The following CACNA1C variants were observed in gnomAD, a reference collection of about 807,000 sequenced individuals.
CACNA1C encodes the protein voltage-dependent L-type calcium channel subunit alpha-1C.
In CACNA1C, 30 loss-of-function variants were observed where a neutral mutation model predicts 229.0. The observed-to-expected ratio is 0.13, with a 90% CI of 0.10 to 0.18. The LOEUF (loss-of-function observed/expected upper bound fraction) is 0.18, where lower values mean the gene tolerates loss of function less well. CACNA1C is among the 10% of genes least tolerant of loss of function. CACNA1C has a pLI of 1.00. For synonymous variants in CACNA1C, 1,114 were observed against 1,132.5 expected, an observed-to-expected ratio of 0.98 and a Z score of 0.33; for missense variants, 1,658 against 2,845.0, an observed-to-expected ratio of 0.58 and a Z score of 9.49.
chr12:2,200,394 G>A (rs2097547065), intron 3 of CACNA1C, among the ~76,000 whole-genome samples: 1 of 152,134 alleles, frequency 6.6e-6, no homozygotes. Context: ...CAATGTCTAG[G>A]AACATTTTTG....
chr12:2,187,987 C>T (rs115456037), intron 3 of CACNA1C, among the ~76,000 whole-genome samples: 2,706 of 152,300 alleles, frequency 0.018, 79 homozygotes, highest in African/African-American at 0.061. Context: ...TGCCTTTCCC[C>T]GAAGCCCTAG....
chr12:2,233,990 C>T (rs2066334419), intron 3 of CACNA1C, among the ~76,000 whole-genome samples: 1 of 152,218 alleles, frequency 6.6e-6, no homozygotes, highest in Non-Finnish European at 1.5e-5. Flanking sequence ...ACCCTTCCCA[C>T]TTGATTTAAT....
chr12:2,584,949 A>G (rs2061859576), intron 16 of CACNA1C, among the ~76,000 whole-genome samples: 1 of 152,224 alleles, frequency 6.6e-6, no homozygotes, highest in Non-Finnish European at 1.5e-5. Context: ...TCCAGCTTAC[A>G]GAGGGAGTCC....
chr12:2,650,684 G>T (rs1055301201), intron 31 of CACNA1C, among the ~76,000 whole-genome samples: 11 of 152,118 alleles, frequency 7.2e-5, no homozygotes, highest in African/African-American at 2.7e-4. Context: ...CCTGAGCCCT[G>T]GCCAGGCATG....
At chr12:2,393,625 G>A (rs1460645996) in intron 3 of CACNA1C, among the ~76,000 whole-genome samples, 1 of 152,226 alleles carries the variant, frequency 6.6e-6, no homozygotes, top group African/African-American at 2.4e-5. Flanking sequence ...GCAGGTTGTT[G>A]CAGAGATGAA....
intron 1 of CACNA1C, among the ~76,000 whole-genome samples, chr12:2,073,014 G>A (rs571849857): frequency 7.2e-4 from 110 of 152,160 alleles, no homozygotes; most frequent in Middle Eastern, 3.4e-3. Context: ...GTGCTAGAGC[G>A]GACAGTGGGG....
intron 1 of CACNA1C, among the ~76,000 whole-genome samples, chr12:2,082,650 C>G (rs2066083756): frequency 6.6e-6 from 1 of 152,120 alleles, no homozygotes; most frequent in Non-Finnish European, 1.5e-5. Context: ...CCACCTCATT[C>G]TAGACTGTGG....
rs754220732 is a variant in CACNA1C, at chr12:2,486,100, G to T, written c.758-4G>T. ...TGGTTCAGTGAGTGGCTCTGTCCCC[G>T]CAGGTCTCCAGGTGGTCCTGAATTC... On this transcript the variant is annotated splice_polypyrimidine_tract_variant and splice_region_variant and intron_variant, in intron 5 of 46. Transcript: ENST00000399655. This position sits in a 1 kb window ranked among gnomAD's most constrained non-coding sequence, Gnocchi z 4.9. The T allele has an allele frequency of 2.5e-6, 4 of 1,596,354 alleles. No homozygotes were observed. The highest frequency in any genetic ancestry group is 3.4e-6 in the Non-Finnish European group (4 of 1,170,058).
chr12:2,170,969 G>T (rs1442248170), intron 3 of CACNA1C, among the ~76,000 whole-genome samples: 1 of 152,206 alleles, frequency 6.6e-6, no homozygotes, highest in African/African-American at 2.4e-5. Flanking sequence ...CTGTCCCTGT[G>T]CTTGGGCACT....
rs561339894 is a variant in CACNA1C, at chr12:2,692,363, G to A, written c.*1164G>A. On this transcript the variant is annotated 3_prime_UTR_variant, in exon 47 of 47. Transcript: ENST00000399655. ...GAGGAGCATGCGCGAGAGAGTCTCC[G>A]AGTGTGTGCGACGCGTGTGTGTGTG... 4 of 152,438 alleles carry A rather than the reference G, an allele frequency of 2.6e-5. No homozygotes were observed. Among genetic ancestry groups the A allele is most frequent in the Non-Finnish European group, 5.9e-5 (4 of 68,108 alleles). 9.4% of individuals were successfully genotyped at this position (152,438 alleles called of 1,614,324 possible). A position where few individuals can be genotyped will look rare whatever the true frequency, so the allele number is the denominator to read the frequency against.
chr12:2,151,848 A>G (rs1350553799), intron 3 of CACNA1C, among the ~76,000 whole-genome samples: 1 of 152,144 alleles, frequency 6.6e-6, no homozygotes, highest in Non-Finnish European at 1.5e-5. Context: ...GGATGAGCCA[A>G]GGGCTGGGCA....
At chr12:2,127,775 ACTGAC>A (rs1220028908) in intron 3 of CACNA1C, among the ~76,000 whole-genome samples, 1 of 152,222 alleles carries the variant, frequency 6.6e-6, no homozygotes, top group Non-Finnish European at 1.5e-5. Flanking sequence ...AGTTGCAGGC[ACTGAC>A]CTAGGAAGAG....
rs572047110 is a variant in CACNA1C, at chr12:2,391,572, G to A, written c.478-57404G>A. On this transcript the variant is annotated intron_variant, in intron 3 of 46. Coordinates refer to ENST00000399655, the MANE Select transcript of CACNA1C (RefSeq NM_000719.7). The stretch of plus-strand genomic sequence containing the variant: ...GGATGAGCAGTTTTCTTGAAGTTAC[G>A]GGCAGGAGCCATGACAGTGGGCGGG... Among the ~76,000 whole-genome samples the A allele has an allele frequency of 1.2e-4, 18 of 150,908 alleles. 1 individual carries two copies. The highest frequency in any genetic ancestry group is 6.7e-4 in the Admixed American group (10 of 15,000).
intron 5 of CACNA1C, among the ~76,000 whole-genome samples, chr12:2,468,251 C>T (rs1316614720): frequency 6.6e-6 from 1 of 152,250 alleles, no homozygotes; most frequent in Non-Finnish European, 1.5e-5. Flanking sequence ...TGCAGTCACA[C>T]AGGAACGTCA....
At chr12:2,061,185 G>T (rs189709124) in intron 1 of CACNA1C, among the ~76,000 whole-genome samples, 40 of 148,264 alleles carry the variant, frequency 2.7e-4, no homozygotes, top group Non-Finnish European at 4.4e-5. Context: ...AATTCACTTC[G>T]CAGGGCAGCT....
chr12:2,529,754 A>G (rs867394941), intron 9 of CACNA1C, among the ~76,000 whole-genome samples: 6 of 152,208 alleles, frequency 3.9e-5, no homozygotes, highest in African/African-American at 1.4e-4. Flanking sequence ...GTTTTTCTTC[A>G]TGTACTAATT....
chr12:2,507,572 G>A (rs552843487), intron 8 of CACNA1C, among the ~76,000 whole-genome samples: 20 of 152,320 alleles, frequency 1.3e-4, no homozygotes, highest in Non-Finnish European at 2.4e-4. Flanking sequence ...ACTTCCAGAA[G>A]CATTCAAAAA....
intron 3 of CACNA1C, among the ~76,000 whole-genome samples, chr12:2,267,155 C>T (rs541638028): frequency 5.9e-5 from 9 of 152,320 alleles, no homozygotes; most frequent in Non-Finnish European, 1.3e-4. Context: ...CCAGCATGTG[C>T]CTGGCCCACG....
At chr12:2,688,256 G>A (rs1482752868) in intron 45 of CACNA1C, among the ~76,000 whole-genome samples, 191 bp from the exon 46 acceptor site, 2 of 152,250 alleles carry the variant, frequency 1.3e-5, no homozygotes, top group Non-Finnish European at 2.9e-5. Context: ...ATCCTAAGAT[G>A]TATTTTGAGA....
Sources: gnomAD v4.1 joint callset for allele counts (sites outside exome capture counted in the v4.1 genomes callset) on GRCh38, gnomAD v4.1.1 for gene constraint, Gnocchi (gnomAD v3.1) non-coding constraint, MANE v1.5 for transcripts, NCBI Gene and HGNC (gene_info 2026-07-23, HGNC 2026-07-21) for gene names.